GLI2: variants seen among roughly 807,000 people sequenced by gnomAD.
GLI2 encodes the protein GLI family zinc finger 2.
A neutral mutation model predicts 78.9 loss-of-function variants in GLI2; 22 were observed. The ratio of observed to expected loss-of-function variants is 0.28; its 90% CI spans 0.20 to 0.40. GLI2 has a LOEUF of 0.40. Among genes scored for constraint, GLI2 ranks in the 10% least tolerant of loss-of-function variants. The pLI, the probability that GLI2 is intolerant of heterozygous loss-of-function variation, is 1.00. For synonymous variants in GLI2, 974 were observed against 963.7 expected, an observed-to-expected ratio of 1.01 and a Z score of -0.20; for missense variants, 2,097 against 2,213.2, an observed-to-expected ratio of 0.95 and a Z score of 1.05.
intron 1 of GLI2, among the ~76,000 whole-genome samples, chr2:120,757,506 C>T (rs1240914582): frequency 6.6e-6 from 1 of 152,202 alleles, no homozygotes; most frequent in Non-Finnish European, 1.5e-5. Flanking sequence ...TGGGCATAGG[C>T]ACTGGCCTTG....
chr2:120,760,816 C>G (rs900291031), intron 1 of GLI2, among the ~76,000 whole-genome samples: 2 of 152,194 alleles, frequency 1.3e-5, no homozygotes, highest in African/African-American at 4.8e-5. Flanking sequence ...TTTTCAGGTC[C>G]TTGTGGAATG....
At chr2:120,812,420 A>G (rs1274357803) in intron 2 of GLI2, among the ~76,000 whole-genome samples, 3 of 152,136 alleles carry the variant, frequency 2.0e-5, no homozygotes, top group African/African-American at 4.8e-5. Context: ...TCACGGGGGA[A>G]TGATGAGGAC....
chr2:120,832,130 A>T (rs146515874), intron 2 of GLI2, among the ~76,000 whole-genome samples: 61 of 152,288 alleles, frequency 4.0e-4, no homozygotes, highest in Admixed American at 7.2e-4. Context: ...AGGGTGCACC[A>T]TCTGGTCCCA....
chr2:120,751,781 A>G (rs947775126), intron 1 of GLI2, among the ~76,000 whole-genome samples: 1 of 152,166 alleles, frequency 6.6e-6, no homozygotes, highest in African/African-American at 2.4e-5. Flanking sequence ...TTCACACTGT[A>G]TTAGTGTGCA....
intron 4 of GLI2, among the ~76,000 whole-genome samples, chr2:120,953,679 T>G (rs950072399): frequency 1.6e-4 from 25 of 152,254 alleles, no homozygotes; most frequent in African/African-American, 5.3e-4. Flanking sequence ...ATTCCACTGA[T>G]TGCAGTGTAG....
At chr2:120,827,959 G>C (rs542897432) in intron 2 of GLI2, among the ~76,000 whole-genome samples, 17 of 152,316 alleles carry the variant, frequency 1.1e-4, no homozygotes, top group African/African-American at 3.6e-4. Flanking sequence ...ATGGATGGTC[G>C]TGATGGTTGC....
chr2:120,871,784 T>G (rs1483891174), intron 2 of GLI2, among the ~76,000 whole-genome samples: 1 of 152,222 alleles, frequency 6.6e-6, no homozygotes, highest in Non-Finnish European at 1.5e-5. Flanking sequence ...TAGCAATTTG[T>G]CTTTTTTTAT....
At chr2:120,760,831 C>T (rs1436714044) in intron 1 of GLI2, among the ~76,000 whole-genome samples, 1 of 152,182 alleles carries the variant, frequency 6.6e-6, no homozygotes, top group Non-Finnish European at 1.5e-5. Context: ...GGAATGCCAC[C>T]CTTTAATTCC....
chr2:120,888,352 T>G (rs755259701), intron 2 of GLI2, among the ~76,000 whole-genome samples: 2 of 152,250 alleles, frequency 1.3e-5, no homozygotes, highest in Non-Finnish European at 2.9e-5. Context: ...CTGTGACACC[T>G]GTTGACTCCA....
Position 120,989,676 on chromosome 2 carries a change from G to A in GLI2, c.3711G>A (p.Leu1237=), listed in dbSNP as rs1309210497. 3 of 1,613,368 alleles carry A rather than the reference G, an allele frequency of 1.9e-6. No homozygotes were observed. The highest frequency in any genetic ancestry group is 1.1e-5 in the South Asian group (1 of 91,084). ...GCTATGGCCAAGTCCACCCCCAGCT[G>A]AGCCCCAGCACCATCAGTGGGGCCC... ...HACYGQVHPQ[L]SPSTISGALN... The change falls in exon 14 of 14, where the codon CTG becomes CTA. Residue 1237 remains leucine, a synonymous_variant. Transcript: ENST00000361492.
intron 2 of GLI2, among the ~76,000 whole-genome samples, chr2:120,898,872 A>G (rs1678108191): frequency 6.6e-6 from 1 of 152,198 alleles, no homozygotes; most frequent in South Asian, 2.1e-4. Context: ...AGAGCAAGTT[A>G]TGGAACAAAT....
chr2:120,940,027 C>G (rs1680380914), intron 3 of GLI2, among the ~76,000 whole-genome samples: 1 of 152,186 alleles, frequency 6.6e-6, no homozygotes, highest in Non-Finnish European at 1.5e-5. Flanking sequence ...TGCTAATGAA[C>G]CTTGAGTGTT....
intron 2 of GLI2, among the ~76,000 whole-genome samples, chr2:120,880,436 A>C (rs2104707802): frequency 6.6e-6 from 1 of 152,278 alleles, no homozygotes; most frequent in South Asian, 2.1e-4. Flanking sequence ...CATTGCCTGA[A>C]GTCCCCATCA....
chr2:120,907,154 T>G (rs1678573873), intron 2 of GLI2, among the ~76,000 whole-genome samples: 1 of 152,114 alleles, frequency 6.6e-6, no homozygotes, highest in South Asian at 2.1e-4. Flanking sequence ...CCGCTGATGC[T>G]CTGACCACAC....
At chr2:120,964,609 G>C (rs1681744429) in intron 5 of GLI2, among the ~76,000 whole-genome samples, 1 of 152,214 alleles carries the variant, frequency 6.6e-6, no homozygotes, top group South Asian at 2.1e-4. Context: ...CGGGTCTCCC[G>C]CTTTGCCACT....
intron 7 of GLI2, among the ~76,000 whole-genome samples, chr2:120,971,376 C>T (rs979816922): frequency 1.3e-5 from 2 of 152,232 alleles, no homozygotes; most frequent in South Asian, 2.1e-4. Flanking sequence ...GTGGCTACAC[C>T]CTTGGAAGGA....
intron 5 of GLI2, among the ~76,000 whole-genome samples, chr2:120,966,745 C>T (rs1254236737): frequency 2.0e-5 from 3 of 152,192 alleles, no homozygotes; most frequent in Admixed American, 1.3e-4. Context: ...TAGGTGGGTG[C>T]GGGCTCTGCC....
chr2:120,781,721 A>G (rs1356681104), intron 1 of GLI2, among the ~76,000 whole-genome samples: 2 of 152,182 alleles, frequency 1.3e-5, no homozygotes, highest in Non-Finnish European at 2.9e-5. Flanking sequence ...CGTCTCTACT[A>G]AAAATACAAA....
Position 120,767,415 on chromosome 2 carries a change from G to T in GLI2, c.-30-29876G>T, listed in dbSNP as rs927961166. On this transcript the variant is annotated intron_variant, in intron 1 of 13. Transcript: ENST00000361492. ...GTGGGGATGTTTTTATTCACGCTCG[G>T]CCTCTGAGGAGCCAAGCTCCCTCTC... 7.2e-5 allele frequency among the ~76,000 whole-genome samples: 11 copies of T among 152,172 alleles called. 1 individual carries two copies. Among genetic ancestry groups the T allele is most frequent in the Non-Finnish European group, 1.5e-5 (1 of 68,022 alleles).
Sources: allele counts gnomAD v4.1 joint callset (sites outside exome capture counted in the v4.1 genomes callset), GRCh38; gene constraint gnomAD v4.1.1; transcripts MANE v1.5; gene names NCBI Gene and HGNC (gene_info 2026-07-23, HGNC 2026-07-21).